Variants in JADE2 observed in about 807,000 individuals in gnomAD.
JADE2 encodes E3 ubiquitin-protein ligase Jade-2.
In JADE2, 13 loss-of-function variants were observed where a neutral mutation model predicts 85.7. The observed-to-expected ratio is 0.15, with a 90% CI of 0.10 to 0.24. JADE2 has a LOEUF of 0.24. Among genes scored for constraint, JADE2 ranks in the 10% least tolerant of loss-of-function variants. The probability of loss-of-function intolerance (pLI) is 1.00; values close to 1 mark genes in which losing one functional copy is unlikely to be tolerated. For synonymous variants in JADE2, 440 were observed against 456.1 expected (o/e 0.96, Z 0.45); for missense variants, 846 against 1,115.9 (o/e 0.76, Z 3.45).
intron 1 of JADE2, among the ~76,000 whole-genome samples, chr5:134,527,066 C>T (rs948266292): frequency 2.6e-5 from 4 of 152,186 alleles, no homozygotes; most frequent in African/African-American, 9.7e-5. Flanking sequence ...TGGCGGACCC[C>T]GTTTGGGACG....
At position 134,582,627 on chromosome 5, in the gene JADE2, C is replaced by T. The variant is rs909046394; in HGVS notation, c.*3310C>T. ...GGGCACTCTCCCATGCCCTTGGCCTCGCTGGCCACATTGGCCAATGAGCCA... is the reference window on the plus strand; with the variant it reads ...GGGCACTCTCCCATGCCCTTGGCCTTGCTGGCCACATTGGCCAATGAGCCA... On this transcript the variant is annotated 3_prime_UTR_variant, in exon 12 of 12. Transcript: ENST00000681547. 4 of 152,652 alleles carry T rather than the reference C, an allele frequency of 2.6e-5. No individual in the cohort carries two copies. Among genetic ancestry groups the T allele is most frequent in the African/African-American group, 2.4e-5 (1 of 41,462 alleles). 9.5% of individuals were successfully genotyped at this position (152,652 alleles called of 1,614,324 possible).
At position 134,579,434 on chromosome 5, in the gene JADE2, G is replaced by T. The variant is rs547585946; in HGVS notation, c.*117G>T. Reference sequence around the variant, plus strand: ...CCCAGACCCTCGAGGCTGCCACTCCGTCGTGGTTTTATTTTTAATATAGAG... The same window carrying T: ...CCCAGACCCTCGAGGCTGCCACTCCTTCGTGGTTTTATTTTTAATATAGAG... On this transcript the variant is annotated 3_prime_UTR_variant, in exon 12 of 12. Transcript: ENST00000681547. This position sits in a 1 kb window ranked among gnomAD's most constrained non-coding sequence, Gnocchi z 4.6. The T allele has an allele frequency of 6.6e-6, 5 of 758,324 alleles. No homozygotes were observed. In the Admixed American group the frequency reaches 1.5e-4, roughly 22 times the overall value. 47.0% of individuals were successfully genotyped at this position (758,324 alleles called of 1,614,324 possible).
At chr5:134,557,610 T>C (rs1763068927) in intron 4 of JADE2, among the ~76,000 whole-genome samples, 1 of 113,128 alleles carries the variant, frequency 8.8e-6, no homozygotes, top group Non-Finnish European at 1.8e-5. Flanking sequence ...AATTCCCACC[T>C]ATGAGTGAGA....
At chr5:134,530,437 C>G (rs1219552791) in intron 1 of JADE2, among the ~76,000 whole-genome samples, 6 of 152,124 alleles carry the variant, frequency 3.9e-5, no homozygotes, top group Admixed American at 6.5e-5. Context: ...GCAGGCAGGC[C>G]AGGCCTAGTG....
chr5:134,526,040 C>T (rs1460284378), intron 1 of JADE2, 29 bp downstream of exon 1: 3 of 985,344 alleles, frequency 3.0e-6, no homozygotes, highest in African/African-American at 3.5e-5. Context: ...CGGATGGGCC[C>T]TGCGCATCTC....
chr5:134,552,147 G>A lies in JADE2; in HGVS notation c.249G>A (p.Gln83=). 1.9e-6 allele frequency: 3 copies of A among 1,614,226 alleles called. No homozygotes were observed. The highest frequency in any genetic ancestry group is 2.2e-5 in the South Asian group (2 of 91,082). ...ACATCCTGGCAGACCCATGGCGACA[G>A]GAATGGGAGAAAGGTGTGCAGGTGC... is the stretch of plus-strand genomic sequence containing the variant. The part of the protein sequence containing the change: ...DYYILADPWR[Q]EWEKGVQVPA... Residue 83 remains glutamine, a synonymous_variant, in exon 4 of 12, where the codon CAG becomes CAA. Transcript: ENST00000681547.
At chr5:134,546,462 A>G (rs940899837) in intron 3 of JADE2, among the ~76,000 whole-genome samples, 4 of 152,218 alleles carry the variant, frequency 2.6e-5, no homozygotes, top group Non-Finnish European at 5.9e-5. Flanking sequence ...AGAGATGGAC[A>G]TTAAAAATAT....
rs904567554 is a variant in JADE2 at position 134,566,748 on chromosome 5, C to T, written c.1434+168C>T. On this transcript the variant is annotated intron_variant, in intron 9 of 11. Transcript: ENST00000681547. The surrounding 1 kb of genome is among the most constrained non-coding windows in gnomAD (Gnocchi z 6.7). ...GCCAAGGGGCTGAGGGCTTTCAGGT[C>T]CCAAAGAGTATGGGGGTGACTGACA... 3.9e-5 allele frequency among the ~76,000 whole-genome samples: 6 copies of T among 152,184 alleles called. No individual in the cohort carries two copies. Among genetic ancestry groups the T allele is most frequent in the African/African-American group, 7.2e-5 (3 of 41,428 alleles).
At chr5:134,539,338 C>T (rs938619725) in intron 3 of JADE2, among the ~76,000 whole-genome samples, 3 of 152,170 alleles carry the variant, frequency 2.0e-5, no homozygotes, top group African/African-American at 4.8e-5. Context: ...GCTGGGATTA[C>T]AGGCATGAGC....
chr5:134,531,530 A>G (rs889698003), intron 1 of JADE2, among the ~76,000 whole-genome samples: 4 of 150,442 alleles, frequency 2.7e-5, no homozygotes, highest in African/African-American at 9.8e-5. Context: ...TCCTGCCTCT[A>G]CCTCCCAAGT....
Position 134,525,994 on chromosome 5 carries a change from G to T in JADE2, c.-18G>T. 1 of 985,598 alleles carries T rather than the reference G, an allele frequency of 1.0e-6. No homozygotes were observed. Among genetic ancestry groups the T allele is most frequent in the South Asian group, 4.7e-5 (1 of 21,292 alleles). The allele number at this position is 985,598 out of a possible 1,614,324, so 61.1% of individuals were successfully genotyped here. On this transcript the variant is annotated 5_prime_UTR_variant, in exon 1 of 12. Coordinates refer to ENST00000681547, the MANE Select transcript of JADE2 (RefSeq NM_001388185.1). ...GTAGCCGAGGGCAGCGCCCGTCAGG[G>T]GGGCACCGCGGAGCAAGGTAAGATC... is the stretch of plus-strand genomic sequence containing the variant.
At chr5:134,525,632 T>C (rs1195444693), upstream of JADE2, 43 of 957,740 alleles carry the variant, frequency 4.5e-5, no homozygotes, top group South Asian at 4.1e-4. Context: ...TTTTTTTTTC[T>C]AAAGAGATCA....
chr5:134,526,355 C>T (rs1166247700), intron 1 of JADE2: 1 of 985,086 alleles, frequency 1.0e-6, no homozygotes, highest in African/African-American at 1.7e-5. Flanking sequence ...GGGGCGCGGG[C>T]GGGCGGGGGC....
intron 1 of JADE2, among the ~76,000 whole-genome samples, chr5:134,533,858 C>T (rs982135495): frequency 6.6e-6 from 1 of 151,184 alleles, no homozygotes; most frequent in African/African-American, 2.4e-5. Flanking sequence ...GCTATCCTCT[C>T]ACCTCAGCCT....
intron 4 of JADE2, among the ~76,000 whole-genome samples, chr5:134,552,437 G>C (rs1762648202): frequency 6.6e-6 from 1 of 152,218 alleles, no homozygotes; most frequent in African/African-American, 2.4e-5. Context: ...GAATGCTTGC[G>C]TTCCTGTTGA....
chr5:134,577,828 C>T (rs771857479), intron 11 of JADE2, among the ~76,000 whole-genome samples: 6 of 152,310 alleles, frequency 3.9e-5, no homozygotes, highest in Admixed American at 2.6e-4. Context: ...CATCTGCTGG[C>T]GTCTCACTTG....
chr5:134,570,982 A>T (rs1763966684), intron 9 of JADE2, among the ~76,000 whole-genome samples: 1 of 152,214 alleles, frequency 6.6e-6, no homozygotes, highest in African/African-American at 2.4e-5. Flanking sequence ...CACCAGCTGG[A>T]TGGTGAGATT....
Position 134,579,284 on chromosome 5 carries a change from G to T in JADE2, c.2472G>T (p.Glu824Asp). Residue 824 changes from glutamate (E) to aspartate (D), a missense_variant, in exon 12 of 12, where the codon GAG becomes GAT. Glu to Asp is a conservative substitution (Grantham distance 45, BLOSUM62 2). Transcript: ENST00000681547. This position sits in a 1 kb window ranked among gnomAD's most constrained non-coding sequence, Gnocchi z 4.6. ...GGGGTCCCCGGGAGGCAGGGGCAGA[G>T]GAGGTGGTCCGCATGGGCGTACTGG... ...VQRGPREAGA[E>D]EVVRMGVLAS is the part of the protein sequence containing the mutation. The T allele has an allele frequency of 6.2e-7, 1 of 1,612,448 alleles. No homozygotes were observed. Among genetic ancestry groups the T allele is most frequent in the African/African-American group, 1.3e-5 (1 of 75,068 alleles).
In JADE2 at chr5:134,581,273, A is replaced by G. The variant is rs1390807998; in HGVS notation, c.*1956A>G. The G allele has an allele frequency of 6.6e-6, 1 of 152,652 alleles. No homozygotes were observed. Among genetic ancestry groups the G allele is most frequent in the Non-Finnish European group, 1.5e-5 (1 of 68,078 alleles). 9.5% of individuals were successfully genotyped at this position (152,652 alleles called of 1,614,324 possible). On this transcript the variant is annotated 3_prime_UTR_variant, in exon 12 of 12. Transcript: ENST00000681547. Reference sequence around the variant, plus strand: ...GTTTAGTCTGCCTGCCCGCCTTGGTAGTAGTGACCAGTCAGTGTCAGCATC... The same window carrying G: ...GTTTAGTCTGCCTGCCCGCCTTGGTGGTAGTGACCAGTCAGTGTCAGCATC...
Sources: allele counts gnomAD v4.1 joint callset (sites outside exome capture counted in the v4.1 genomes callset), GRCh38; gene constraint gnomAD v4.1.1; non-coding constraint Gnocchi (gnomAD v3.1); transcripts MANE v1.5; gene names NCBI Gene and HGNC (gene_info 2026-07-23, HGNC 2026-07-21).